FOXJ2: variants seen among roughly 807,000 people sequenced by gnomAD.
FOXJ2 encodes forkhead box J2, also known as forkhead box protein J2.
Under a neutral mutation model 68.4 loss-of-function variants are expected in FOXJ2, and 18 were observed. That is an observed-to-expected ratio of 0.26 (90% CI 0.18 to 0.39). The LOEUF (loss-of-function observed/expected upper bound fraction) is 0.39, where lower values mean the gene tolerates loss of function less well. Ranked by LOEUF, FOXJ2 falls within the 10% of genes least tolerant of loss-of-function variation. The pLI is 1.00. For synonymous variants in FOXJ2, 274 were observed against 263.2 expected (o/e 1.04, Z -0.40); for missense variants, 670 against 726.5 (o/e 0.92, Z 0.89).
In FOXJ2 at chr12:8,035,115, G is replaced by A. The variant is rs933697025; in HGVS notation, c.-15+1282G>A. 6.6e-6 allele frequency among the ~76,000 whole-genome samples: 1 copy of A among 152,172 alleles called. No homozygotes were observed. The highest frequency in any genetic ancestry group is 2.4e-5 in the African/African-American group (1 of 41,426). The stretch of plus-strand genomic sequence containing the variant: ...AGCTACTGGTGGTATATGAGATAGG[G>A]CACAGGTTTGTGTGGCTGTGCTATA... On this transcript the variant is annotated intron_variant, in intron 1 of 10. Coordinates refer to ENST00000162391, the MANE Select transcript of FOXJ2 (RefSeq NM_018416.3). The surrounding 1 kb of genome is among the most constrained non-coding windows in gnomAD (Gnocchi z 4.0).
chr12:8,047,934 T>TCAG lies in FOXJ2; in HGVS notation c.881_883dup (p.Gln294dup). The TCAG allele has an allele frequency of 1.9e-6, 3 of 1,612,508 alleles. No homozygotes were observed. Among genetic ancestry groups the TCAG allele is most frequent in the Non-Finnish European group, 2.5e-6 (3 of 1,179,132 alleles). On this transcript the variant is annotated inframe_insertion, in exon 7 of 11. Coordinates refer to ENST00000162391, the MANE Select transcript of FOXJ2 (RefSeq NM_018416.3). The stretch of plus-strand genomic sequence containing the variant: ...CACCCTCGAACAACTACTACATGTA[T>TCAG]CAGCAGCAGCAGCCACCGCCACCTC...
intron 6 of FOXJ2, among the ~76,000 whole-genome samples, chr12:8,047,330 T>G (rs754955378): frequency 4.6e-5 from 7 of 152,198 alleles, no homozygotes; most frequent in Admixed American, 4.6e-4. Flanking sequence ...ACACCTGTAG[T>G]CTCAGCTACT....
intron 7 of FOXJ2, 22 bp from the exon 8 acceptor site, chr12:8,048,675 C>T (rs370403954): frequency 5.0e-6 from 8 of 1,596,414 alleles, no homozygotes; most frequent in African/African-American, 2.7e-5. Flanking sequence ...TCTTATTATC[C>T]ACTTTCCCCT....
At chr12:8,045,045 T>G in intron 6 of FOXJ2, 87 bp downstream of exon 6, 1 of 1,352,004 alleles carries the variant, frequency 7.4e-7, no homozygotes, top group Non-Finnish European at 1.0e-6. Context: ...CCTTAGTTTT[T>G]TATTTTTATT....
chr12:8,043,275 TTAGTG>T (rs1946990764), intron 3 of FOXJ2, among the ~76,000 whole-genome samples: 1 of 150,536 alleles, frequency 6.6e-6, no homozygotes, highest in Non-Finnish European at 1.5e-5. Flanking sequence ...ATAGAAATAC[TTAGTG>T]TAAAGTTGAC....
chr12:8,039,603 C>A (rs1041562488), intron 1 of FOXJ2, among the ~76,000 whole-genome samples: 3 of 152,162 alleles, frequency 2.0e-5, no homozygotes, highest in African/African-American at 4.8e-5. Flanking sequence ...CATGGAGAGG[C>A]CCCTTGGCCC....
intron 10 of FOXJ2, among the ~76,000 whole-genome samples, chr12:8,052,000 C>G (rs1256440578): frequency 6.6e-6 from 1 of 151,794 alleles, no homozygotes; most frequent in Non-Finnish European, 1.5e-5. Flanking sequence ...TCCCGAGCAG[C>G]TGGGATCACA....
chr12:8,047,850 A>T, intron 6 of FOXJ2, 32 bp from the exon 7 acceptor site: 1 of 1,546,480 alleles, frequency 6.5e-7, no homozygotes, highest in Non-Finnish European at 8.8e-7. Flanking sequence ...TGCATTGCTT[A>T]AGTCACTTGC....
At chr12:8,037,281 T>A (rs1320837314) in intron 1 of FOXJ2, among the ~76,000 whole-genome samples, 1 of 151,804 alleles carries the variant, frequency 6.6e-6, no homozygotes, top group Non-Finnish European at 1.5e-5. Flanking sequence ...AGGAGAACGG[T>A]GCGGAAAGAT....
rs1176936272 is a variant in FOXJ2 at position 8,038,095 on chromosome 12, G to A, written c.-14-1724G>A. Among the ~76,000 whole-genome samples, 1 of 152,150 alleles carries A rather than the reference G, an allele frequency of 6.6e-6. No individual in the cohort carries two copies. The highest frequency in any genetic ancestry group is 1.9e-4 in the East Asian group (1 of 5,190). On this transcript the variant is annotated intron_variant, in intron 1 of 10. Transcript: ENST00000162391. The surrounding 1 kb of genome is among the most constrained non-coding windows in gnomAD (Gnocchi z 5.3). ...TAGAGTTGCGTCTCTTGCTGCCCCC[G>A]CCCCTGAGGCACTAAGGTGTTTCCT...
Position 8,040,062 on chromosome 12 carries a change from A to C in FOXJ2, c.230A>C (p.Tyr77Ser). The C allele has an allele frequency of 6.2e-7, 1 of 1,614,104 alleles. No homozygotes were observed. Among genetic ancestry groups the C allele is most frequent in the Non-Finnish European group, 8.5e-7 (1 of 1,180,008 alleles). The stretch of plus-strand genomic sequence containing the variant: ...TACAGCTATGCCACTCTCATCACCT[A>C]TGCCATCAACTCCTCTCCAGCCAAG... ...PRYSYATLIT[Y>S]AINSSPAKKM... The change falls in exon 2 of 11, where the codon TAT becomes TCT. Residue 77 changes from tyrosine (Y) to serine (S), a missense_variant. Transcript: ENST00000162391. The surrounding 1 kb of genome is among the most constrained non-coding windows in gnomAD (Gnocchi z 4.0).
chr12:8,049,080 T>C (rs978197285), intron 8 of FOXJ2, among the ~76,000 whole-genome samples: 1 of 152,162 alleles, frequency 6.6e-6, no homozygotes, highest in African/African-American at 2.4e-5. Flanking sequence ...GATTTTGTAG[T>C]TTTGTCACCA....
rs1251468127 is a variant in FOXJ2, at chr12:8,054,184, G to C, written c.*1334G>C. On this transcript the variant is annotated 3_prime_UTR_variant, in exon 11 of 11. Transcript: ENST00000162391. ...GGTGGAGGAGAGTAAATAATCTAGA[G>C]GCAAGAGTTCAGTGAGGGCCAAGGG... 6.6e-6 allele frequency: 1 copy of C among 152,222 alleles called. No homozygotes were observed. Among genetic ancestry groups the C allele is most frequent in the East Asian group, 1.9e-4 (1 of 5,202 alleles). The allele number at this position is 152,222 out of a possible 1,614,324, so 9.4% of individuals were successfully genotyped here. A position where few individuals can be genotyped will look rare whatever the true frequency, so the allele number is the denominator to read the frequency against.
rs1159052549 is a variant in FOXJ2 at position 8,050,899 on chromosome 12, C to CCCCTT, written c.1636+290_1636+294dup. On this transcript the variant is annotated intron_variant, in intron 10 of 10. Coordinates refer to ENST00000162391, the MANE Select transcript of FOXJ2 (RefSeq NM_018416.3). ...CTTCCCCTTCCCTTCCCCTTCCCTT[C>CCCCTT]CCCTTCCCTTCCCTTTCCTTCCCCT... is the stretch of plus-strand genomic sequence containing the variant. Among the ~76,000 whole-genome samples, 449 of 59,030 alleles carry CCCCTT rather than the reference C, an allele frequency of 7.6e-3. 5 individuals are homozygous for CCCCTT. The highest frequency in any genetic ancestry group is 0.011 in the Non-Finnish European group (277 of 25,594). 38.7% of individuals were successfully genotyped at this position (59,030 alleles called of 152,430 possible).
In FOXJ2 at chr12:8,044,039, G is replaced by C; in HGVS notation, c.566G>C (p.Gly189Ala). The C allele has an allele frequency of 6.3e-7, 1 of 1,584,084 alleles. No individual in the cohort carries two copies. The highest frequency in any genetic ancestry group is 8.6e-7 in the Non-Finnish European group (1 of 1,167,392). ...GGAGAAGCCTCACTGCCTCCTGAGG[G>C]GAATCCGCAGATGTCACTTCAGAGC... ...GSGEASLPPEGNPQMSLQSPT... is the reference protein window; with the variant it reads ...GSGEASLPPEANPQMSLQSPT... Residue 189 changes from glycine to alanine, a missense_variant, in exon 5 of 11, where the codon GGG becomes GCG. Coordinates refer to ENST00000162391, the MANE Select transcript of FOXJ2 (RefSeq NM_018416.3).
chr12:8,049,899 A>C (rs903014878), intron 9 of FOXJ2: 2 of 393,858 alleles, frequency 5.1e-6, no homozygotes, highest in Non-Finnish European at 9.0e-6. Context: ...TACCGGATGA[A>C]ATGGTGGTTC....
rs998416672 is a variant in FOXJ2 at position 8,053,920 on chromosome 12, C to G, written c.*1070C>G. 6.6e-6 allele frequency: 1 copy of G among 152,072 alleles called. No individual in the cohort carries two copies. The highest frequency in any genetic ancestry group is 1.5e-5 in the Non-Finnish European group (1 of 68,024). 9.4% of individuals were successfully genotyped at this position (152,072 alleles called of 1,614,324 possible). A position where few individuals can be genotyped will look rare whatever the true frequency, so the allele number is the denominator to read the frequency against. The stretch of plus-strand genomic sequence containing the variant: ...GATTCTCAAGAAAGAAAAAGTAACC[C>G]ATTATCACTCTGAGTTTCGTCGTGC... On this transcript the variant is annotated 3_prime_UTR_variant, in exon 11 of 11. Coordinates refer to ENST00000162391, the MANE Select transcript of FOXJ2 (RefSeq NM_018416.3). This position sits in a 1 kb window ranked among gnomAD's most constrained non-coding sequence, Gnocchi z 4.1.
chr12:8,044,931 G>C lies in FOXJ2; in HGVS notation c.790G>C (p.Glu264Gln). The C allele has an allele frequency of 6.2e-7, 1 of 1,614,218 alleles. No homozygotes were observed. The highest frequency in any genetic ancestry group is 8.5e-7 in the Non-Finnish European group (1 of 1,180,030). Residue 264 changes from glutamate (E) to glutamine (Q), a missense_variant, in exon 6 of 11, where the codon GAG becomes CAG. Around this residue, in one of 2 missense-constraint regions of FOXJ2, gnomAD observed 555 missense variants for 562.2 expected, o/e 0.99. Coordinates refer to ENST00000162391, the MANE Select transcript of FOXJ2 (RefSeq NM_018416.3). ...CCGCAACCTCTATAAGTCCATGCTG[G>C]AGAAGTCCTCTTCCTCCTCTCAGCA... ...SFRNLYKSML[E>Q]KSSSSSQHGF...
In FOXJ2 at chr12:8,035,297, A is replaced by G. The variant is rs1011212065; in HGVS notation, c.-15+1464A>G. Among the ~76,000 whole-genome samples, 4 of 152,144 alleles carry G rather than the reference A, an allele frequency of 2.6e-5. No homozygotes were observed. The highest frequency in any genetic ancestry group is 5.9e-5 in the Non-Finnish European group (4 of 68,020). On this transcript the variant is annotated intron_variant, in intron 1 of 10. Transcript: ENST00000162391. The surrounding 1 kb of genome is among the most constrained non-coding windows in gnomAD (Gnocchi z 4.0). ...GGCCTCTAGAAGCAGGTGCCTCTGTACAAGGACATGGATAGGTGGTGGTAA... is the reference window on the plus strand; with the variant it reads ...GGCCTCTAGAAGCAGGTGCCTCTGTGCAAGGACATGGATAGGTGGTGGTAA...
Sources: gnomAD v4.1 joint callset for allele counts (sites outside exome capture counted in the v4.1 genomes callset) on GRCh38, gnomAD v4.1.1 for gene constraint, gnomAD v4.1.1 regional missense constraint, Gnocchi (gnomAD v3.1) non-coding constraint, MANE v1.5 for transcripts, NCBI Gene and HGNC (gene_info 2026-07-23, HGNC 2026-07-21) for gene names.